Variants in TIMP2 observed in about 807,000 individuals in gnomAD.
TIMP2 encodes TIMP metallopeptidase inhibitor 2.
TIMP2 carries 5 observed loss-of-function variants against 24.3 expected under a neutral mutation model. The ratio of observed to expected loss-of-function variants is 0.21; its 90% CI spans 0.11 to 0.43. TIMP2 has a LOEUF of 0.43. Ranked by LOEUF, TIMP2 falls within the 20% of genes least tolerant of loss-of-function variation. TIMP2 has a pLI of 1.00. For missense variants in TIMP2, 221 were observed against 297.5 expected, an observed-to-expected ratio of 0.74 and a Z score of 1.89; for synonymous variants, 130 against 123.2, an observed-to-expected ratio of 1.06 and a Z score of -0.37.
At chr17:78,909,798 C>A (rs1004498408) in intron 1 of TIMP2, among the ~76,000 whole-genome samples, 1 of 152,140 alleles carries the variant, frequency 6.6e-6, no homozygotes, top group Admixed American at 6.6e-5. Context: ...TTCCACCCCC[C>A]GCCCCCCACA....
At chr17:78,910,422 G>T (rs557987297) in intron 1 of TIMP2, among the ~76,000 whole-genome samples, 1 of 152,022 alleles carries the variant, frequency 6.6e-6, no homozygotes, top group Non-Finnish European at 1.5e-5. Context: ...CAAACTCCTG[G>T]CCTCAGGTGA....
At chr17:78,908,039 G>T (rs57024518) in intron 1 of TIMP2, among the ~76,000 whole-genome samples, 2,393 of 152,286 alleles carry the variant, frequency 0.016, 70 homozygotes, top group African/African-American at 0.055. Context: ...GGAGGCTGAG[G>T]TGGGAGGATT....
chr17:78,879,261 A>T (rs1162059070), intron 1 of TIMP2, among the ~76,000 whole-genome samples: 1 of 152,046 alleles, frequency 6.6e-6, no homozygotes, highest in African/African-American at 2.4e-5. Context: ...AGGGAGAGAG[A>T]GCTCTCCGGA....
chr17:78,867,431 C>G (rs1385607341), intron 3 of TIMP2, among the ~76,000 whole-genome samples: 1 of 151,946 alleles, frequency 6.6e-6, no homozygotes, highest in Non-Finnish European at 1.5e-5. Context: ...AAGATCTTAC[C>G]CAAGGGGAGA....
intron 1 of TIMP2, among the ~76,000 whole-genome samples, chr17:78,874,568 A>C (rs1232487694): frequency 6.6e-6 from 1 of 152,032 alleles, no homozygotes; most frequent in Non-Finnish European, 1.5e-5. Flanking sequence ...AAAATGTTCT[A>C]TGAGTAATTT....
intron 1 of TIMP2, chr17:78,901,771 G>A (rs1324224239): frequency 1.4e-6 from 1 of 717,270 alleles, no homozygotes; most frequent in East Asian, 2.7e-5. Context: ...TTGGGGAAGA[G>A]GGGTGGTACT....
At position 78,907,070 on chromosome 17, in the gene TIMP2, G is replaced by C. The variant is rs116156612; in HGVS notation, c.130+17889C>G. 7.9e-3 allele frequency among the ~76,000 whole-genome samples: 1,206 copies of C among 152,038 alleles called. 17 individuals carry two copies. Among genetic ancestry groups the C allele is most frequent in the African/African-American group, 0.028 (1,150 of 41,460 alleles). ...TTTAAAGTAAGAGACGTCTCGCTCTGTCTGTCAAGCTTGAATGCAATGGTG... is the reference window on the plus strand; with the variant it reads ...TTTAAAGTAAGAGACGTCTCGCTCTCTCTGTCAAGCTTGAATGCAATGGTG... On this transcript the variant is annotated intron_variant, in intron 1 of 4. Coordinates refer to ENST00000262768, the MANE Select transcript of TIMP2 (RefSeq NM_003255.5).
At chr17:78,919,829 A>G (rs11657059) in intron 1 of TIMP2, among the ~76,000 whole-genome samples, 9,466 of 149,340 alleles carry the variant, frequency 0.063, 443 homozygotes, top group African/African-American at 0.14. Context: ...GTGAGACTCC[A>G]TCTCGAAAAA....
chr17:78,873,588 C>T (rs538559500), intron 2 of TIMP2, among the ~76,000 whole-genome samples: 4 of 152,312 alleles, frequency 2.6e-5, no homozygotes, highest in East Asian at 1.9e-4. Context: ...CCGCAACGCC[C>T]GGACAGGTTT....
At chr17:78,915,202 TG>T (rs1381264330) in intron 1 of TIMP2, among the ~76,000 whole-genome samples, 2 of 152,160 alleles carry the variant, frequency 1.3e-5, no homozygotes, top group Non-Finnish European at 2.9e-5. Context: ...CGGCCCAGTC[TG>T]GGCTTTTGAA....
In TIMP2 at chr17:78,925,102, G is replaced by C; in HGVS notation, c.-14C>G. 2.1e-6 allele frequency: 2 copies of C among 940,528 alleles called. No individual in the cohort carries two copies. Among genetic ancestry groups the C allele is most frequent in the South Asian group, 4.7e-5 (1 of 21,082 alleles). The allele number at this position is 940,528 out of a possible 1,614,324, so 58.3% of individuals were successfully genotyped here. On this transcript the variant is annotated 5_prime_UTR_variant, in exon 1 of 5. Coordinates refer to ENST00000262768, the MANE Select transcript of TIMP2 (RefSeq NM_003255.5). Reference sequence around the variant, plus strand: ...CGCGGCGCCCATGGCGGGCCGGGGGGCTGGGCGGGCGGGGGCCGCCGCTGG... The same window carrying C: ...CGCGGCGCCCATGGCGGGCCGGGGGCCTGGGCGGGCGGGGGCCGCCGCTGG...
At chr17:78,919,364 C>G (rs1321628010) in intron 1 of TIMP2, among the ~76,000 whole-genome samples, 1 of 152,238 alleles carries the variant, frequency 6.6e-6, no homozygotes, top group African/African-American at 2.4e-5. Context: ...TTGGCCTACT[C>G]TGTACCCAGA....
chr17:78,915,513 CTCTT>C (rs1345977678), intron 1 of TIMP2, among the ~76,000 whole-genome samples: 3 of 123,714 alleles, frequency 2.4e-5, no homozygotes, highest in African/African-American at 9.4e-5. Context: ...CCGTCTCTCT[CTCTT>C]TTTTTCTTCT....
In TIMP2 at chr17:78,901,934, C is replaced by G. The variant is rs576778708; in HGVS notation, c.130+23025G>C. ...GTAGTGAGACGCCCATCACTGGAGG[C>G]ATCCGAACCAAGCCCAGATAAAACA... On this transcript the variant is annotated intron_variant, in intron 1 of 4. Transcript: ENST00000262768. 36 of 608,886 alleles carry G rather than the reference C, an allele frequency of 5.9e-5. No individual in the cohort carries two copies. In the African/African-American group the frequency reaches 6.2e-4, roughly 10 times the overall value. 37.7% of individuals were successfully genotyped at this position (608,886 alleles called of 1,614,324 possible). A position where few individuals can be genotyped will look rare whatever the true frequency, so the allele number is the denominator to read the frequency against.
chr17:78,886,809 C>T (rs1466451981), intron 1 of TIMP2, among the ~76,000 whole-genome samples: 2 of 152,128 alleles, frequency 1.3e-5, no homozygotes, highest in African/African-American at 4.8e-5. Flanking sequence ...ACTGCAGCCT[C>T]GACCTCCCAG....
At chr17:78,859,101 A>G (rs971841608) in intron 3 of TIMP2, among the ~76,000 whole-genome samples, 1 of 152,134 alleles carries the variant, frequency 6.6e-6, no homozygotes, top group African/African-American at 2.4e-5. Flanking sequence ...TTGAGTTTAA[A>G]CTTATAATTC....
intron 1 of TIMP2, among the ~76,000 whole-genome samples, chr17:78,908,807 C>T (rs551146117): frequency 3.9e-5 from 6 of 152,354 alleles, no homozygotes; most frequent in Admixed American, 3.9e-4. Context: ...GCCCTGGAGC[C>T]AACTGGGCCA....
chr17:78,891,170 T>C lies in TIMP2; in HGVS notation c.131-17251A>G, dbSNP rs73395167. ...CTCGGGAGACAATGTTTGACTTCCA[T>C]TTCTAAACGTGGGCTTGACCGTGCC... On this transcript the variant is annotated intron_variant, in intron 1 of 4. Coordinates refer to ENST00000262768, the MANE Select transcript of TIMP2 (RefSeq NM_003255.5). This position sits in a 1 kb window ranked among gnomAD's most constrained non-coding sequence, Gnocchi z 4.5. 1,883 of 1,550,658 alleles carry C rather than the reference T, an allele frequency of 1.2e-3. 26 individuals are homozygous for C. In the African/African-American group the frequency reaches 0.024, roughly 20 times the overall value.
rs2069881226 is a variant in TIMP2 at position 78,890,923 on chromosome 17, A to G, written c.131-17004T>C. The G allele has an allele frequency of 1.9e-6, 3 of 1,550,684 alleles. No homozygotes were observed. The East Asian group carries it at 7.3e-5, about 38-fold the overall frequency. Reference sequence around the variant, plus strand: ...CTTTGTAGTGGATTTCCAAGCTCATATCTGGGTGTTCCATTTGTTCAAGCG... The same window carrying G: ...CTTTGTAGTGGATTTCCAAGCTCATGTCTGGGTGTTCCATTTGTTCAAGCG... On this transcript the variant is annotated intron_variant, in intron 1 of 4. Coordinates refer to ENST00000262768, the MANE Select transcript of TIMP2 (RefSeq NM_003255.5).
Sources: gnomAD v4.1 joint callset for allele counts (sites outside exome capture counted in the v4.1 genomes callset) on GRCh38, gnomAD v4.1.1 for gene constraint, Gnocchi (gnomAD v3.1) non-coding constraint, MANE v1.5 for transcripts, NCBI Gene and HGNC (gene_info 2026-07-23, HGNC 2026-07-21) for gene names.